The following ANO10 variants were observed in gnomAD, a reference collection of about 807,000 sequenced individuals.
ANO10 encodes anoctamin 10.
In ANO10, 77 loss-of-function variants were observed where a neutral mutation model predicts 74.7. That is an observed-to-expected ratio of 1.03 (90% CI 0.86 to 1.25). ANO10 has a LOEUF of 1.25. Ranked by LOEUF, ANO10 falls within the 50% of genes most tolerant of loss-of-function variation. The probability of loss-of-function intolerance (pLI) is 0.00; values close to 1 mark genes in which losing one functional copy is unlikely to be tolerated. For missense variants in ANO10, 721 were observed against 778.1 expected (o/e 0.93, Z 0.87); for synonymous variants, 279 against 284.9 (o/e 0.98, Z 0.21).
At chr3:43,448,254 T>C (rs113580349) in intron 11 of ANO10, among the ~76,000 whole-genome samples, 2,087 of 152,278 alleles carry the variant, frequency 0.014, 52 homozygotes, top group African/African-American at 0.047. Context: ...ATACATCATG[T>C]CATGTATCCA....
intron 4 of ANO10, among the ~76,000 whole-genome samples, chr3:43,593,883 A>G (rs1481301674): frequency 6.6e-6 from 1 of 152,210 alleles, no homozygotes; most frequent in Non-Finnish European, 1.5e-5. Context: ...ATGCAGAGAC[A>G]CACATAGGCT....
At chr3:43,668,848 C>G (rs937202577) in intron 1 of ANO10, among the ~76,000 whole-genome samples, 2 of 151,784 alleles carry the variant, frequency 1.3e-5, no homozygotes, top group Non-Finnish European at 2.9e-5. Context: ...ATTTGTTGTT[C>G]TTTTCTTTGT....
chr3:43,486,323 G>T (rs1304431675), intron 11 of ANO10, among the ~76,000 whole-genome samples: 1 of 152,142 alleles, frequency 6.6e-6, no homozygotes, highest in East Asian at 1.9e-4. Context: ...CTTTAAAGTA[G>T]TTTTTTCCAA....
intron 11 of ANO10, chr3:43,485,869 C>T (rs986878576): frequency 1.1e-5 from 3 of 276,332 alleles, no homozygotes; most frequent in Admixed American, 4.6e-5. Flanking sequence ...GTAGTGTGCC[C>T]AAGACCTTCA....
Position 43,428,456 on chromosome 3 carries a change from A to C in ANO10, c.1914+4155T>G, listed in dbSNP as rs541184833. Among the ~76,000 whole-genome samples, 281 of 152,264 alleles carry C rather than the reference A, an allele frequency of 1.8e-3. 1 individual carries two copies. Among genetic ancestry groups the C allele is most frequent in the African/African-American group, 4.9e-3 (203 of 41,564 alleles). ...GTTTGCAAGGCCCTAAGAGAGCCTG[A>C]CAACACTCATCATTGCTGTCTGCCC... On this transcript the variant is annotated intron_variant, in intron 12 of 12. Coordinates refer to ENST00000292246, the MANE Select transcript of ANO10 (RefSeq NM_018075.5).
intron 1 of ANO10, among the ~76,000 whole-genome samples, chr3:43,636,890 G>A (rs1236061585): frequency 6.6e-6 from 1 of 152,230 alleles, no homozygotes; most frequent in East Asian, 1.9e-4. Flanking sequence ...TTAGCCTGGT[G>A]CAGTGGCTCA....
At chr3:43,686,572 C>G (rs1463525965) in intron 1 of ANO10, among the ~76,000 whole-genome samples, 1 of 152,190 alleles carries the variant, frequency 6.6e-6, no homozygotes, top group Non-Finnish European at 1.5e-5. Context: ...AGGCGTGAGT[C>G]ACCACACCCA....
intron 11 of ANO10, among the ~76,000 whole-genome samples, chr3:43,532,197 G>C (rs906625249): frequency 6.6e-6 from 1 of 152,240 alleles, no homozygotes. Flanking sequence ...GACTCAGACT[G>C]TCTAAATAAA....
intron 12 of ANO10, among the ~76,000 whole-genome samples, chr3:43,408,092 G>A (rs1278303987): frequency 1.3e-5 from 2 of 152,136 alleles, no homozygotes; most frequent in African/African-American, 4.8e-5. Flanking sequence ...AGGAGTCCAG[G>A]GAGGAAAGGA....
chr3:43,545,081 T>G (rs979791336), intron 11 of ANO10, among the ~76,000 whole-genome samples: 1 of 152,106 alleles, frequency 6.6e-6, no homozygotes, highest in Non-Finnish European at 1.5e-5. Flanking sequence ...CGTTAAAAAT[T>G]TATGAGAATT....
chr3:43,654,318 G>A (rs556780151), intron 1 of ANO10, among the ~76,000 whole-genome samples: 30 of 152,154 alleles, frequency 2.0e-4, no homozygotes, highest in African/African-American at 5.3e-4. Context: ...ATACTCTGTT[G>A]GGTCTCCTTT....
intron 1 of ANO10, among the ~76,000 whole-genome samples, chr3:43,664,098 G>A (rs753574389): frequency 5.9e-5 from 9 of 151,848 alleles, no homozygotes; most frequent in South Asian, 4.1e-4. Context: ...GAAGAACAAC[G>A]CTGGAGGCAT....
At chr3:43,537,365 C>T (rs2078758226) in intron 11 of ANO10, among the ~76,000 whole-genome samples, 1 of 152,162 alleles carries the variant, frequency 6.6e-6, no homozygotes, top group African/African-American at 2.4e-5. Context: ...GTTCCTTGTG[C>T]ACCAGTGACC....
intron 1 of ANO10, among the ~76,000 whole-genome samples, chr3:43,651,224 A>G (rs561842871): frequency 6.6e-6 from 1 of 152,142 alleles, no homozygotes; most frequent in African/African-American, 2.4e-5. Flanking sequence ...CAAATAATTA[A>G]TAAATATCTA....
intron 11 of ANO10, among the ~76,000 whole-genome samples, chr3:43,469,717 T>C (rs1639375536): frequency 6.6e-6 from 1 of 152,234 alleles, no homozygotes; most frequent in South Asian, 2.1e-4. Context: ...AACATACTTC[T>C]ATACTCAGTG....
intron 1 of ANO10, among the ~76,000 whole-genome samples, chr3:43,676,984 A>C (rs1433137735): frequency 6.6e-6 from 1 of 152,166 alleles, no homozygotes; most frequent in Non-Finnish European, 1.5e-5. Flanking sequence ...GCTAATATTC[A>C]ATTTCTGTCA....
chr3:43,405,829 C>A (rs1330243100), intron 12 of ANO10, among the ~76,000 whole-genome samples: 1 of 152,140 alleles, frequency 6.6e-6, no homozygotes, highest in East Asian at 1.9e-4. Context: ...TTATCATTGC[C>A]TAATTATTGA....
Position 43,506,007 on chromosome 3 carries a change from G to A in ANO10, c.1797+43713C>T, listed in dbSNP as rs186869640. On this transcript the variant is annotated intron_variant, in intron 11 of 12. Coordinates refer to ENST00000292246, the MANE Select transcript of ANO10 (RefSeq NM_018075.5). ...ACAAAAAATATTTCCCCCAAATTCCGATGATGAATAAAATATGTTTAAGAT... is the reference window on the plus strand; with the variant it reads ...ACAAAAAATATTTCCCCCAAATTCCAATGATGAATAAAATATGTTTAAGAT... Among the ~76,000 whole-genome samples, 14 of 152,226 alleles carry A rather than the reference G, an allele frequency of 9.2e-5. No individual in the cohort carries two copies. The East Asian group carries it at 1.9e-3, about 21-fold the overall frequency.
intron 11 of ANO10, among the ~76,000 whole-genome samples, chr3:43,546,307 AG>A (rs2079188114): frequency 6.6e-6 from 1 of 152,222 alleles, no homozygotes; most frequent in Non-Finnish European, 1.5e-5. Flanking sequence ...AACAATCTTG[AG>A]AAAGAAGAAC....
Sources: allele counts gnomAD v4.1 joint callset (sites outside exome capture counted in the v4.1 genomes callset), GRCh38; gene constraint gnomAD v4.1.1; transcripts MANE v1.5; gene names NCBI Gene and HGNC (gene_info 2026-07-23, HGNC 2026-07-21).